NR2F1-AS1: variants seen among roughly 807,000 people sequenced by gnomAD.
NR2F1-AS1 encodes the protein NR2F1 antisense RNA 1.
intron 4 of NR2F1-AS1, among the ~76,000 whole-genome samples, chr5:93,493,327 A>G (rs546034447): frequency 6.6e-6 from 1 of 152,214 alleles, no homozygotes; most frequent in South Asian, 2.1e-4. Context: ...AATACATTTA[A>G]CCAAGGAAGT....
At chr5:93,475,031 G>C (rs1443709605) in intron 4 of NR2F1-AS1, among the ~76,000 whole-genome samples, 1 of 151,976 alleles carries the variant, frequency 6.6e-6, no homozygotes, top group Non-Finnish European at 1.5e-5. Flanking sequence ...GGCTGAGGCA[G>C]GAGAATGGCG....
intron 4 of NR2F1-AS1, among the ~76,000 whole-genome samples, chr5:93,469,810 G>A (rs893857890): frequency 6.6e-6 from 1 of 151,958 alleles, no homozygotes; most frequent in Non-Finnish European, 1.5e-5. Context: ...TTCTAAGACC[G>A]AAGGCTGTTA....
At chr5:93,554,819 C>T (rs1260083858) in intron 3 of NR2F1-AS1, 3 of 152,130 alleles carry the variant, frequency 2.0e-5, no homozygotes, top group African/African-American at 7.2e-5. Flanking sequence ...AGATTCTAAC[C>T]CAGATCCTCT....
upstream of NR2F1-AS1, chr5:93,583,580 C>A: frequency 6.7e-6 from 1 of 150,248 alleles, no homozygotes; most frequent in Middle Eastern, 3.1e-3. Context: ...TTCTTCTTAT[C>A]GTTATTTTAT....
intron 4 of NR2F1-AS1, among the ~76,000 whole-genome samples, chr5:93,412,098 C>T (rs1748869806): frequency 6.6e-6 from 1 of 152,194 alleles, no homozygotes; most frequent in Non-Finnish European, 1.5e-5. Context: ...CCAGTCACAC[C>T]TTGTGTATTA....
intron 4 of NR2F1-AS1, among the ~76,000 whole-genome samples, chr5:93,533,940 C>G (rs1369876396): frequency 6.6e-6 from 1 of 151,978 alleles, no homozygotes; most frequent in South Asian, 2.1e-4. Flanking sequence ...TCCAGCCTGG[C>G]CAACATAGTG....
At chr5:93,582,187 C>CCCCA (rs1753114325), upstream of NR2F1-AS1, among the ~76,000 whole-genome samples, 1 of 147,950 alleles carries the variant, frequency 6.8e-6, no homozygotes, top group Admixed American at 6.8e-5. Context: ...ACTAATCTCC[C>CCCCA]CCCACCCTGC....
intron 4 of NR2F1-AS1, among the ~76,000 whole-genome samples, chr5:93,541,587 TC>T (rs1244059142): frequency 1.3e-5 from 2 of 152,248 alleles, no homozygotes; most frequent in East Asian, 3.9e-4. Context: ...TTACCCTGGA[TC>T]CCCTGAACAA....
chr5:93,457,016 T>A (rs1278361099), intron 4 of NR2F1-AS1, among the ~76,000 whole-genome samples: 2 of 152,218 alleles, frequency 1.3e-5, no homozygotes, highest in African/African-American at 4.8e-5. Flanking sequence ...TTTTCTCCTA[T>A]CTCCAGTAGA....
intron 4 of NR2F1-AS1, among the ~76,000 whole-genome samples, chr5:93,435,217 T>G (rs932939312): frequency 3.3e-5 from 5 of 152,208 alleles, no homozygotes; most frequent in Non-Finnish European, 5.9e-5. Context: ...AGTATCCTAC[T>G]CCCTTGTTTG....
chr5:93,451,062 C>CA (rs1749819429), intron 4 of NR2F1-AS1, among the ~76,000 whole-genome samples: 1 of 151,770 alleles, frequency 6.6e-6, no homozygotes, highest in Admixed American at 6.6e-5. Flanking sequence ...AATATGATCT[C>CA]AAACACTAAT....
intron 4 of NR2F1-AS1, among the ~76,000 whole-genome samples, chr5:93,462,037 G>A (rs1189348076): frequency 6.6e-6 from 1 of 152,158 alleles, no homozygotes; most frequent in East Asian, 1.9e-4. Flanking sequence ...TTGGTGTGAG[G>A]CATTAACAGA....
intron 4 of NR2F1-AS1, among the ~76,000 whole-genome samples, chr5:93,462,796 G>C (rs938354708): frequency 6.6e-6 from 1 of 152,180 alleles, no homozygotes; most frequent in Non-Finnish European, 1.5e-5. Context: ...ACTGCCACCA[G>C]ATTTGTAGAA....
At chr5:93,516,374 A>G (rs183224871) in intron 4 of NR2F1-AS1, among the ~76,000 whole-genome samples, 1 of 151,836 alleles carries the variant, frequency 6.6e-6, no homozygotes, top group African/African-American at 2.4e-5. Context: ...CTTTCTAATA[A>G]AGAGTATGGT....
chr5:93,469,022 AT>A (rs1409935016), intron 4 of NR2F1-AS1, among the ~76,000 whole-genome samples: 1 of 152,084 alleles, frequency 6.6e-6, no homozygotes, highest in African/African-American at 2.4e-5. Flanking sequence ...CCAACAGATA[AT>A]TCTTTAACCC....
chr5:93,479,515 C>G (rs1023342994), intron 4 of NR2F1-AS1, among the ~76,000 whole-genome samples: 2 of 152,292 alleles, frequency 1.3e-5, no homozygotes, highest in East Asian at 1.9e-4. Context: ...TGAACAACTG[C>G]TGCCTTCATC....
At chr5:93,574,225 T>C (rs1275310717) in intron 1 of NR2F1-AS1, among the ~76,000 whole-genome samples, 1 of 145,778 alleles carries the variant, frequency 6.9e-6, no homozygotes, top group Non-Finnish European at 1.5e-5. Context: ...GCAGCCGATA[T>C]CTGGGGGCTG....
At chr5:93,569,761 T>C (rs570258652) in intron 1 of NR2F1-AS1, 1 of 152,366 alleles carries the variant, frequency 6.6e-6, no homozygotes, top group South Asian at 2.1e-4. Flanking sequence ...GGCTCCATAT[T>C]CATAAATTGG....
chr5:93,524,945 C>T (rs1193321929), intron 4 of NR2F1-AS1, among the ~76,000 whole-genome samples: 3 of 152,202 alleles, frequency 2.0e-5, no homozygotes, highest in Middle Eastern at 3.4e-3. Context: ...AGAAATTGCA[C>T]GAACTAACAG....
Sources: allele counts gnomAD v4.1 joint callset (sites outside exome capture counted in the v4.1 genomes callset), GRCh38; gene constraint gnomAD v4.1.1; transcripts MANE v1.5; gene names NCBI Gene and HGNC (gene_info 2026-07-23, HGNC 2026-07-21).